Variants in RBFOX1 observed in about 807,000 individuals in gnomAD.
The protein encoded by RBFOX1 is RNA binding protein fox-1 homolog 1.
A neutral mutation model predicts 57.7 loss-of-function variants in RBFOX1; 8 were observed. The observed-to-expected ratio is 0.14, with a 90% CI of 0.08 to 0.25. The LOEUF (loss-of-function observed/expected upper bound fraction) is 0.25. Ranked by LOEUF, RBFOX1 falls within the 10% of genes least tolerant of loss-of-function variation. The pLI, the probability that RBFOX1 is intolerant of heterozygous loss-of-function variation, is 1.00. For synonymous variants in RBFOX1, 326 were observed against 222.4 expected, an observed-to-expected ratio of 1.47 and a Z score of -4.15; for missense variants, 611 against 548.5, an observed-to-expected ratio of 1.11 and a Z score of -1.14.
At position 6,177,400 on chromosome 16, in the gene RBFOX1, T is replaced by G. The variant is rs183734449; in HGVS notation, c.-126-139595T>G. Among the ~76,000 whole-genome samples the G allele has an allele frequency of 1.4e-4, 18 of 127,362 alleles. 1 individual carries two copies. The highest frequency in any genetic ancestry group is 5.8e-4 in the African/African-American group (18 of 31,268). 83.6% of individuals were successfully genotyped at this position (127,362 alleles called of 152,430 possible). ...AATTCCCAGCCCTAGCTTTCATTGA[T>G]TTTTTTCTTATTTGACTATTGGCTT... On this transcript the variant is annotated intron_variant, in intron 1 of 15. Coordinates refer to ENST00000550418, the MANE Select transcript of RBFOX1 (RefSeq NM_018723.4).
In RBFOX1 at chr16:5,752,977, C is replaced by T. The variant is rs149674346; in HGVS notation, c.319-114326C>T. 5.5e-3 allele frequency among the ~76,000 whole-genome samples: 839 copies of T among 152,092 alleles called. 27 individuals are homozygous for T. Among genetic ancestry groups the T allele is most frequent in the Admixed American group, 0.047 (719 of 15,264 alleles). ...CAGCCTGCTCTTGAACATAGTGAGA[C>T]CTCATCACTCCAAGAAATAAACCGT... is the stretch of plus-strand genomic sequence containing the variant. On this transcript the variant is annotated intron_variant, in intron 3 of 19. Transcript: ENST00000641259.
intron 4 of RBFOX1, among the ~76,000 whole-genome samples, chr16:5,906,193 C>A (rs920068563): frequency 2.2e-4 from 33 of 152,294 alleles, no homozygotes; most frequent in African/African-American, 7.5e-4. Context: ...GTGCCTCAGA[C>A]TGTGTCCTTA....
At chr16:6,474,199 T>G (rs1007582875) in intron 2 of RBFOX1, among the ~76,000 whole-genome samples, 1 of 152,182 alleles carries the variant, frequency 6.6e-6, no homozygotes, top group African/African-American at 2.4e-5. Context: ...GACATCATAG[T>G]ACTATTATCC....
At chr16:6,309,133 T>G (rs981180712) in intron 1 of RBFOX1, among the ~76,000 whole-genome samples, 3 of 152,148 alleles carry the variant, frequency 2.0e-5, no homozygotes, top group Non-Finnish European at 4.4e-5. Flanking sequence ...ATGGCCTGTC[T>G]TATGTACTCG....
At chr16:7,646,502 C>G (rs941366192) in intron 11 of RBFOX1, among the ~76,000 whole-genome samples, 2 of 152,218 alleles carry the variant, frequency 1.3e-5, no homozygotes, top group Non-Finnish European at 2.9e-5. Flanking sequence ...CCTTCCAAGG[C>G]TGGGGAAATG....
At chr16:6,112,691 CA>C (rs1303894806) in intron 1 of RBFOX1, among the ~76,000 whole-genome samples, 1 of 151,960 alleles carries the variant, frequency 6.6e-6, no homozygotes, top group East Asian at 1.9e-4. Flanking sequence ...AACTCCGTCT[CA>C]AAAAAACACC....
intron 4 of RBFOX1, among the ~76,000 whole-genome samples, chr16:7,202,209 A>T (rs765248027): frequency 3.9e-5 from 6 of 152,180 alleles, no homozygotes; most frequent in Non-Finnish European, 7.3e-5. Context: ...GCACATGAAA[A>T]AAGATGCTCA....
At chr16:6,122,540 A>G (rs1432036420) in intron 1 of RBFOX1, among the ~76,000 whole-genome samples, 6 of 152,210 alleles carry the variant, frequency 3.9e-5, no homozygotes, top group South Asian at 2.1e-4. Context: ...ATGGAGCCTC[A>G]TCCCTGCATG....
intron 1 of RBFOX1, among the ~76,000 whole-genome samples, chr16:5,382,857 C>T (rs1177026713): frequency 6.6e-6 from 1 of 152,176 alleles, no homozygotes; most frequent in Non-Finnish European, 1.5e-5. Flanking sequence ...AATTTATGCC[C>T]ATTTTATGGG....
chr16:5,507,838 G>C (rs1364269383), intron 2 of RBFOX1, among the ~76,000 whole-genome samples: 2 of 152,178 alleles, frequency 1.3e-5, no homozygotes. Context: ...CTGGGAAGAC[G>C]CAAGGAGGGT....
chr16:7,517,947 A>T (rs2076730102), intron 4 of RBFOX1, among the ~76,000 whole-genome samples, 200 bp from the exon 5 acceptor site: 1 of 151,986 alleles, frequency 6.6e-6, no homozygotes, highest in African/African-American at 2.4e-5. Flanking sequence ...GCATCTGTAA[A>T]ATGGGGAGAA....
chr16:7,540,899 C>A (rs1218326036), intron 5 of RBFOX1, among the ~76,000 whole-genome samples: 1 of 152,136 alleles, frequency 6.6e-6, no homozygotes, highest in Non-Finnish European at 1.5e-5. Flanking sequence ...CTGGATTCAT[C>A]CCAACACCAT....
chr16:5,819,124 T>C (rs2055754023), intron 3 of RBFOX1, among the ~76,000 whole-genome samples: 1 of 152,148 alleles, frequency 6.6e-6, no homozygotes, highest in Non-Finnish European at 1.5e-5. Flanking sequence ...GGGTGGCTTA[T>C]ACACAACAGA....
chr16:6,819,597 C>T lies in RBFOX1; in HGVS notation c.-16+164947C>T, dbSNP rs149848287. 2.0e-3 allele frequency among the ~76,000 whole-genome samples: 302 copies of T among 148,570 alleles called. 1 individual carries two copies. Among genetic ancestry groups the T allele is most frequent in the African/African-American group, 3.6e-3 (146 of 40,534 alleles). On this transcript the variant is annotated intron_variant, in intron 3 of 15. Transcript: ENST00000550418. ...GTGTATGCCTGTAATCCCAGCTACT[C>T]GGGAGGCTGAGGCAGGAGAATTGCT... is the stretch of plus-strand genomic sequence containing the variant.
At chr16:7,261,162 C>T (rs2094904729) in intron 4 of RBFOX1, among the ~76,000 whole-genome samples, 1 of 152,202 alleles carries the variant, frequency 6.6e-6, no homozygotes, top group Non-Finnish European at 1.5e-5. Context: ...AGAGCTCCAG[C>T]CGCAGTTCTT....
chr16:6,840,508 C>T (rs1379633544), intron 3 of RBFOX1, among the ~76,000 whole-genome samples: 1 of 151,926 alleles, frequency 6.6e-6, no homozygotes, highest in Non-Finnish European at 1.5e-5. Context: ...AATTCTAATC[C>T]CAAGGTGATA....
At chr16:6,664,173 A>T (rs1268058370) in intron 3 of RBFOX1, among the ~76,000 whole-genome samples, 1 of 152,042 alleles carries the variant, frequency 6.6e-6, no homozygotes, top group African/African-American at 2.4e-5. Context: ...TCTCTAGCCA[A>T]GGAATGGGAC....
rs534021427 is a variant in RBFOX1, at chr16:7,075,770, C to T, written c.27+23672C>T. 7.2e-5 allele frequency among the ~76,000 whole-genome samples: 11 copies of T among 152,088 alleles called. No homozygotes were observed. In the South Asian group the frequency reaches 1.9e-3, roughly 26 times the overall value. ...TAATTTTTTTTATTTTTAGTAGAGA[C>T]GGGATTTCACCGTTTTAGCCAGGAT... is the stretch of plus-strand genomic sequence containing the variant. On this transcript the variant is annotated intron_variant, in intron 4 of 15. Coordinates refer to ENST00000550418, the MANE Select transcript of RBFOX1 (RefSeq NM_018723.4).
At chr16:6,936,570 T>A (rs1179511786) in intron 3 of RBFOX1, among the ~76,000 whole-genome samples, 1 of 152,174 alleles carries the variant, frequency 6.6e-6, no homozygotes, top group Non-Finnish European at 1.5e-5. Flanking sequence ...CATTGCTTAA[T>A]TGTTTCCTGT....
Sources: allele counts gnomAD v4.1 joint callset (sites outside exome capture counted in the v4.1 genomes callset), GRCh38; gene constraint gnomAD v4.1.1; transcripts MANE v1.5; gene names NCBI Gene and HGNC (gene_info 2026-07-23, HGNC 2026-07-21).